RGS10: variants seen among roughly 807,000 people sequenced by gnomAD.
The protein encoded by RGS10 is regulator of G-protein signalling 10.
A neutral mutation model predicts 23.5 loss-of-function variants in RGS10; 11 were observed. The ratio of observed to expected loss-of-function variants is 0.47; its 90% CI spans 0.29 to 0.77. The LOEUF is 0.77. Ranked by LOEUF, RGS10 falls within the 30% of genes least tolerant of loss-of-function variation. The pLI, the probability that RGS10 is intolerant of heterozygous loss-of-function variation, is 0.08. For missense variants in RGS10, 180 were observed against 226.3 expected, an observed-to-expected ratio of 0.80 and a Z score of 1.31; for synonymous variants, 77 against 83.2, an observed-to-expected ratio of 0.92 and a Z score of 0.41.
intron 1 of RGS10, among the ~76,000 whole-genome samples, chr10:119,534,918 G>A (rs1029023895): frequency 3.9e-5 from 6 of 151,994 alleles, no homozygotes; most frequent in Non-Finnish European, 7.4e-5. Context: ...AGAAAAACTT[G>A]CAAATGATTT....
intron 3 of RGS10, among the ~76,000 whole-genome samples, chr10:119,516,796 C>T (rs1452047947): frequency 1.3e-5 from 2 of 152,282 alleles, no homozygotes; most frequent in South Asian, 2.1e-4. Context: ...CGCCTCAGGG[C>T]GGGGCTGCAG....
chr10:119,541,833 C>T (rs1187653690), intron 1 of RGS10, among the ~76,000 whole-genome samples: 1 of 152,212 alleles, frequency 6.6e-6, no homozygotes, highest in Admixed American at 6.5e-5. Context: ...TCACCCAACG[C>T]GGTGGACAAA....
At chr10:119,508,252 G>A (rs1405603926) in intron 4 of RGS10, among the ~76,000 whole-genome samples, 8 of 151,992 alleles carry the variant, frequency 5.3e-5, no homozygotes, top group African/African-American at 1.7e-4. Flanking sequence ...CACCCGCCTC[G>A]GCCTCCCAAA....
At chr10:119,518,153 A>G (rs1447851337) in intron 3 of RGS10, among the ~76,000 whole-genome samples, 2 of 152,218 alleles carry the variant, frequency 1.3e-5, no homozygotes, top group Non-Finnish European at 2.9e-5. Flanking sequence ...CCGGGTAGGA[A>G]CAGAGCTGGT....
intron 3 of RGS10, among the ~76,000 whole-genome samples, chr10:119,521,363 G>A (rs1358382051): frequency 1.3e-5 from 2 of 152,064 alleles, no homozygotes; most frequent in African/African-American, 2.4e-5. Flanking sequence ...CTGAGGTCAG[G>A]AGTTTGAGAT....
At chr10:119,535,924 A>G (rs1023362154) in intron 1 of RGS10, among the ~76,000 whole-genome samples, 4 of 152,148 alleles carry the variant, frequency 2.6e-5, no homozygotes, top group Admixed American at 6.5e-5. Flanking sequence ...CTTATTTAAA[A>G]CCTCTTGTCA....
intron 1 of RGS10, chr10:119,536,677 C>T (rs992830377): frequency 5.2e-6 from 3 of 577,956 alleles, no homozygotes; most frequent in East Asian, 3.0e-5. Flanking sequence ...GAAATAAGAA[C>T]GCCAAACTGT....
At chr10:119,512,739 G>A (rs1042518189) in intron 4 of RGS10, among the ~76,000 whole-genome samples, 1 of 152,096 alleles carries the variant, frequency 6.6e-6, no homozygotes, top group African/African-American at 2.4e-5. Context: ...GCAGAGATGG[G>A]GTTTCGCTAT....
Position 119,526,019 on chromosome 10 carries a change from G to A in RGS10, c.255+13C>T, listed in dbSNP as rs199836580. ...TTTATAAGGGAAAAAAATTATCAGA[G>A]TGGAGGAAATACCTGCGTCTTATCT... On this transcript the variant is annotated intron_variant, in intron 3 of 4. Transcript: ENST00000369103. 9.0e-4 allele frequency: 1,339 copies of A among 1,480,914 alleles called. 1 individual carries two copies. Among genetic ancestry groups the A allele is most frequent in the Non-Finnish European group, 1.1e-3 (1,186 of 1,082,170 alleles). 91.7% of individuals were successfully genotyped at this position (1,480,914 alleles called of 1,614,324 possible). A position where few individuals can be genotyped will look rare whatever the true frequency, so the allele number is the denominator to read the frequency against.
intron 1 of RGS10, among the ~76,000 whole-genome samples, 181 bp downstream of exon 1, chr10:119,542,409 C>A (rs1589845423): frequency 6.6e-6 from 1 of 152,324 alleles, no homozygotes; most frequent in East Asian, 1.9e-4. Context: ...GAGCTCTGCG[C>A]TCCCGTCGCG....
intron 1 of RGS10, among the ~76,000 whole-genome samples, chr10:119,539,613 C>T (rs981323410): frequency 2.3e-4 from 35 of 152,188 alleles, no homozygotes; most frequent in African/African-American, 8.4e-4. Context: ...CTACAGTCCC[C>T]AACACTGAAT....
intron 1 of RGS10, among the ~76,000 whole-genome samples, chr10:119,530,927 C>T (rs1844324708): frequency 6.6e-6 from 1 of 152,190 alleles, no homozygotes; most frequent in South Asian, 2.1e-4. Flanking sequence ...GGGACAAATC[C>T]TTTCCTCTAA....
chr10:119,517,676 ACACACACGCACACACGTG>A lies in RGS10; in HGVS notation c.256-2042_256-2025del, dbSNP rs1247666072. ...TCCTCCCCTTGACATTCACACGCACACACACACGCACACACGTGCACACACGCACACACATACACACAT... is the reference window on the plus strand; with the variant it reads ...TCCTCCCCTTGACATTCACACGCACACACACACGCACACACATACACACAT... On this transcript the variant is annotated intron_variant, in intron 3 of 4. Coordinates refer to ENST00000369103, the MANE Select transcript of RGS10 (RefSeq NM_001005339.2). This position sits in a 1 kb window ranked among gnomAD's most constrained non-coding sequence, Gnocchi z 5.0. 2.0e-5 allele frequency among the ~76,000 whole-genome samples: 3 copies of A among 152,190 alleles called. No homozygotes were observed. The highest frequency in any genetic ancestry group is 4.8e-5 in the African/African-American group (2 of 41,442).
intron 2 of RGS10, among the ~76,000 whole-genome samples, chr10:119,526,453 A>C (rs539535885): frequency 3.9e-5 from 6 of 152,374 alleles, no homozygotes; most frequent in African/African-American, 1.4e-4. Flanking sequence ...AACAAAGTAC[A>C]TTCCTCTAAA....
At chr10:119,513,859 A>T (rs1844107652) in intron 4 of RGS10, among the ~76,000 whole-genome samples, 1 of 152,148 alleles carries the variant, frequency 6.6e-6, no homozygotes, top group African/African-American at 2.4e-5. Context: ...TCATGGGGGG[A>T]GCATGGTCTT....
At chr10:119,534,629 G>A (rs1831202937) in intron 1 of RGS10, among the ~76,000 whole-genome samples, 3 of 137,428 alleles carry the variant, frequency 2.2e-5, no homozygotes, top group South Asian at 2.3e-4. Flanking sequence ...GGTGGCTCAC[G>A]CCTGTAATCC....
intron 4 of RGS10, among the ~76,000 whole-genome samples, chr10:119,511,505 G>C (rs1378668664): frequency 6.6e-6 from 1 of 152,162 alleles, no homozygotes; most frequent in Non-Finnish European, 1.5e-5. Flanking sequence ...TGTAATCCCA[G>C]CTACTCAGGA....
At chr10:119,531,558 T>A (rs542565002) in intron 1 of RGS10, among the ~76,000 whole-genome samples, 1 of 152,242 alleles carries the variant, frequency 6.6e-6, no homozygotes, top group Non-Finnish European at 1.5e-5. Flanking sequence ...GCATATTAGG[T>A]TTATGTGTTC....
intron 1 of RGS10, among the ~76,000 whole-genome samples, chr10:119,534,999 C>T (rs770412268): frequency 8.5e-5 from 13 of 152,172 alleles, no homozygotes; most frequent in African/African-American, 1.4e-4. Context: ...AACCTACTGA[C>T]GTGGTTAGTA....
Sources: allele counts gnomAD v4.1 joint callset (sites outside exome capture counted in the v4.1 genomes callset), GRCh38; gene constraint gnomAD v4.1.1; non-coding constraint Gnocchi (gnomAD v3.1); transcripts MANE v1.5; gene names NCBI Gene and HGNC (gene_info 2026-07-23, HGNC 2026-07-21).